VWA3B: variants seen among roughly 807,000 people sequenced by gnomAD.
VWA3B encodes the protein von Willebrand factor A domain-containing protein 3B.
In VWA3B, 138 loss-of-function variants were observed where a neutral mutation model predicts 158.3. The observed-to-expected ratio is 0.87, with a 90% CI of 0.76 to 1.00. The LOEUF (loss-of-function observed/expected upper bound fraction) is 1.00. Ranked by LOEUF, VWA3B falls within the 50% of genes least tolerant of loss-of-function variation. VWA3B has a pLI of 0.00. For missense variants in VWA3B, 1,555 were observed against 1,565.1 expected, an observed-to-expected ratio of 0.99 and a Z score of 0.11; for synonymous variants, 596 against 587.3, an observed-to-expected ratio of 1.01 and a Z score of -0.21.
At chr2:98,327,764 G>C in the VWA3B span, among the ~76,000 whole-genome samples, 34 of 152,168 alleles carry the variant, frequency 2.2e-4, no homozygotes, top group Non-Finnish European at 1.0e-4. Flanking sequence ...TTAGCTCAAA[G>C]TCTGTCAGCA....
intron 23 of VWA3B, among the ~76,000 whole-genome samples, chr2:98,295,904 T>C (rs937897523): frequency 6.6e-6 from 1 of 152,150 alleles, no homozygotes; most frequent in Non-Finnish European, 1.5e-5. Flanking sequence ...TGAGGCCACA[T>C]GGGGGCCCTC....
intron 23 of VWA3B, among the ~76,000 whole-genome samples, chr2:98,292,324 A>T (rs1475279399): frequency 6.6e-6 from 1 of 152,202 alleles, no homozygotes; most frequent in Non-Finnish European, 1.5e-5. Context: ...ATTATTATTT[A>T]AATTTAATTG....
chr2:98,234,731 A>G lies in VWA3B; in HGVS notation c.2392A>G (p.Asn798Asp). The change falls in exon 17 of 28, where the codon AAT becomes GAT. Residue 798 changes from asparagine to aspartate, a missense_variant. Physicochemically the swap from Asn to Asp is conservative, Grantham distance 23. Transcript: ENST00000477737. ...CAGTGAAAGGAAGGATGGCCTCTCCAATGCCAGCAGCCGGAGGACTGCTCT... is the reference window on the plus strand; with the variant it reads ...CAGTGAAAGGAAGGATGGCCTCTCCGATGCCAGCAGCCGGAGGACTGCTCT... ...ACSERKDGLS[N>D]ASSRRTALSD... 6.2e-7 allele frequency: 1 copy of G among 1,614,182 alleles called. No individual in the cohort carries two copies.
chr2:98,188,155 A>G, intron 10 of VWA3B, 26 bp downstream of exon 10: 2 of 1,600,236 alleles, frequency 1.2e-6, no homozygotes, highest in South Asian at 1.1e-5. Context: ...AGGAAGTTAC[A>G]AGTGGTCTCC....
intron 23 of VWA3B, 138 bp downstream of exon 23, chr2:98,290,760 G>A: frequency 1.5e-6 from 1 of 649,760 alleles, no homozygotes; most frequent in Non-Finnish European, 2.7e-6. Flanking sequence ...TCACAGAGAA[G>A]AAGTGGAATA....
intron 23 of VWA3B, chr2:98,291,459 C>T (rs1354213980): frequency 1.3e-5 from 2 of 152,130 alleles, no homozygotes; most frequent in African/African-American, 2.4e-5. Context: ...CTGGCTGGAA[C>T]ATAAAATGAG....
At chr2:98,126,188 GACTC>G (rs1675337101) in intron 5 of VWA3B, among the ~76,000 whole-genome samples, 1 of 152,166 alleles carries the variant, frequency 6.6e-6, no homozygotes, top group African/African-American at 2.4e-5. Context: ...AATAAATCCT[GACTC>G]ACAGCAATTT....
intron 5 of VWA3B, among the ~76,000 whole-genome samples, chr2:98,126,235 T>C (rs1347816780): frequency 6.6e-6 from 1 of 152,208 alleles, no homozygotes; most frequent in Admixed American, 6.5e-5. Flanking sequence ...GAAAAACATT[T>C]CTGCACAAGA....
chr2:98,163,130 TG>T (rs1033831893), intron 8 of VWA3B, among the ~76,000 whole-genome samples, 154 bp downstream of exon 8: 2 of 150,630 alleles, frequency 1.3e-5, no homozygotes, highest in African/African-American at 2.5e-5. Context: ...GGGTGAGGGG[TG>T]GGGAGGGGGC....
chr2:98,323,213 G>A, the VWA3B span, among the ~76,000 whole-genome samples: 1 of 152,086 alleles, frequency 6.6e-6, no homozygotes, highest in Non-Finnish European at 1.5e-5. Context: ...TATCAATGAA[G>A]AAATGGGTAA....
At chr2:98,105,774 T>A (rs1335207052) in intron 2 of VWA3B, among the ~76,000 whole-genome samples, 1 of 152,042 alleles carries the variant, frequency 6.6e-6, no homozygotes, top group Non-Finnish European at 1.5e-5. Flanking sequence ...ATTTTTTTTT[T>A]ACTATGGGTG....
At chr2:98,293,962 T>A (rs1689641823) in intron 23 of VWA3B, among the ~76,000 whole-genome samples, 1 of 151,986 alleles carries the variant, frequency 6.6e-6, no homozygotes, top group Non-Finnish European at 1.5e-5. Flanking sequence ...TTTCGTATTA[T>A]CTTTCATGAT....
chr2:98,140,736 TC>T lies in VWA3B; in HGVS notation c.988+6798del, dbSNP rs377609192. 6.6e-5 allele frequency among the ~76,000 whole-genome samples: 10 copies of T among 152,314 alleles called. No homozygotes were observed. The East Asian group carries it at 1.5e-3, about 24-fold the overall frequency. ...GCCCCCAGCAGCTTGTCTTCCCTTC[TC>T]TGTTAATAAGCGTGGATTTTCTTCA... On this transcript the variant is annotated intron_variant, in intron 7 of 27. Coordinates refer to ENST00000477737, the MANE Select transcript of VWA3B (RefSeq NM_144992.5).
chr2:98,132,624 G>A (rs1016842800), intron 6 of VWA3B, among the ~76,000 whole-genome samples: 1 of 152,226 alleles, frequency 6.6e-6, no homozygotes, highest in East Asian at 1.9e-4. Context: ...ACAGATCAGA[G>A]AGTGGAAGGT....
chr2:98,308,471 T>TA (rs1690669154), intron 26 of VWA3B, among the ~76,000 whole-genome samples: 1 of 152,242 alleles, frequency 6.6e-6, no homozygotes, highest in African/African-American at 2.4e-5. Context: ...GTGTAGTTTC[T>TA]CCCATGTGGT....
rs766986449 is a variant in VWA3B at position 98,217,903 on chromosome 2, A to G, written c.1894A>G (p.Ile632Val). 6.2e-7 allele frequency: 1 copy of G among 1,612,992 alleles called. No individual in the cohort carries two copies. The highest frequency in any genetic ancestry group is 1.1e-5 in the South Asian group (1 of 90,998). The change falls in exon 14 of 28, where the codon ATC (isoleucine) becomes GTC (valine). Residue 632 changes from isoleucine to valine, a missense_variant. By Grantham distance (29) the Ile-to-Val change is conservative (BLOSUM62 3). Transcript: ENST00000477737. ...TTTTCAGGAAATTCCTATTTATACC[A>G]TCTCCTTCAATTACAATGATGAGAT... Reference protein sequence around the residue: ...KRFQEIPIYTISFNYNDEIAN... With the variant: ...KRFQEIPIYTVSFNYNDEIAN...
At chr2:98,187,367 G>T (rs116396004) in intron 9 of VWA3B, among the ~76,000 whole-genome samples, 1 of 152,058 alleles carries the variant, frequency 6.6e-6, no homozygotes, top group Non-Finnish European at 1.5e-5. Context: ...GAGGAGCGCC[G>T]GTTGAGTGCC....
chr2:98,089,482 C>T (rs1377917860), intron 1 of VWA3B, among the ~76,000 whole-genome samples: 2 of 151,526 alleles, frequency 1.3e-5, no homozygotes, highest in Admixed American at 1.3e-4. Context: ...CTGAGACCAA[C>T]CTGGAGGTGG....
intron 15 of VWA3B, among the ~76,000 whole-genome samples, chr2:98,229,642 G>A (rs1006529510): frequency 3.9e-5 from 6 of 152,170 alleles, no homozygotes; most frequent in Non-Finnish European, 8.8e-5. Flanking sequence ...TAGAGAATGG[G>A]TTTCTGCAGT....
Sources: gnomAD v4.1 joint callset for allele counts (sites outside exome capture counted in the v4.1 genomes callset) on GRCh38, gnomAD v4.1.1 for gene constraint, MANE v1.5 for transcripts, NCBI Gene and HGNC (gene_info 2026-07-23, HGNC 2026-07-21) for gene names.